Variants in JAK1 observed in about 807,000 individuals in gnomAD.
JAK1 encodes the protein tyrosine-protein kinase JAK1.
A neutral mutation model predicts 136.6 loss-of-function variants in JAK1; 16 were observed. That is an observed-to-expected ratio of 0.12 (90% CI 0.08 to 0.18). The LOEUF (loss-of-function observed/expected upper bound fraction) is 0.18, where lower values mean the gene tolerates loss of function less well. JAK1 is among the 10% of genes least tolerant of loss of function. The pLI is 1.00. For synonymous variants in JAK1, 492 were observed against 519.5 expected, an observed-to-expected ratio of 0.95 and a Z score of 0.72; for missense variants, 859 against 1,450.1, an observed-to-expected ratio of 0.59 and a Z score of 6.62.
intron 4 of JAK1, among the ~76,000 whole-genome samples, chr1:64,874,101 T>C (rs1387528289): frequency 1.3e-5 from 2 of 152,104 alleles, no homozygotes; most frequent in Admixed American, 1.3e-4. Context: ...GCACTTTATA[T>C]ATATTATGTT....
At chr1:65,025,703 G>C (rs1646972219) in intron 2 of JAK1, among the ~76,000 whole-genome samples, 1 of 151,532 alleles carries the variant, frequency 6.6e-6, no homozygotes, top group African/African-American at 2.4e-5. Flanking sequence ...TTTGAGACAG[G>C]GTCTTACTCT....
intron 1 of JAK1, among the ~76,000 whole-genome samples, chr1:64,903,676 A>C (rs1220122621): frequency 6.6e-6 from 1 of 152,214 alleles, no homozygotes; most frequent in African/African-American, 2.4e-5. Context: ...AATGGGAATA[A>C]TACTAGCTCC....
chr1:64,882,425 C>T (rs1281118789), intron 3 of JAK1, among the ~76,000 whole-genome samples: 2 of 152,146 alleles, frequency 1.3e-5, no homozygotes, highest in African/African-American at 2.4e-5. Flanking sequence ...CTTTTTAAAA[C>T]AGCTTTGAGA....
chr1:64,951,816 G>A (rs959978990), intron 1 of JAK1, among the ~76,000 whole-genome samples: 7 of 151,800 alleles, frequency 4.6e-5, no homozygotes, highest in African/African-American at 1.7e-4. Context: ...CCGCCACCAC[G>A]CCCAGCTAAT....
At chr1:65,065,869 G>A (rs1648018379) in intron 1 of JAK1, among the ~76,000 whole-genome samples, 1 of 151,596 alleles carries the variant, frequency 6.6e-6, no homozygotes, top group African/African-American at 2.4e-5. Context: ...CTGGCCAAAG[G>A]GGGTCACTTC....
intron 1 of JAK1, among the ~76,000 whole-genome samples, chr1:64,944,679 T>C (rs1273584489): frequency 1.3e-5 from 2 of 152,048 alleles, no homozygotes; most frequent in Non-Finnish European, 1.5e-5. Flanking sequence ...ACAATAGTCA[T>C]GATACACTAG....
At chr1:64,890,352 T>C (rs1644916544) in intron 1 of JAK1, among the ~76,000 whole-genome samples, 1 of 152,030 alleles carries the variant, frequency 6.6e-6, no homozygotes, top group South Asian at 2.1e-4. Flanking sequence ...AGGTACAAAG[T>C]AAGCAACATT....
intron 17 of JAK1, among the ~76,000 whole-genome samples, chr1:64,843,860 G>A (rs895178920): frequency 6.6e-6 from 1 of 152,136 alleles, no homozygotes; most frequent in African/African-American, 2.4e-5. Flanking sequence ...AGTAGTTACT[G>A]ATTATCCCCA....
chr1:64,931,747 C>G (rs770930514), intron 1 of JAK1, among the ~76,000 whole-genome samples: 2 of 152,002 alleles, frequency 1.3e-5, no homozygotes, highest in African/African-American at 4.8e-5. Context: ...TACAAACTAT[C>G]GGGAGGCACT....
Position 65,038,355 on chromosome 1 carries a change from C to T in JAK1, c.-78+6125G>A, listed in dbSNP as rs1016433779. 4.0e-5 allele frequency among the ~76,000 whole-genome samples: 6 copies of T among 151,712 alleles called. No individual in the cohort carries two copies. The South Asian group carries it at 1.0e-3, about 26-fold the overall frequency. ...CTGGGATTACAGGCATGTGCCACCA[C>T]GCCCAGCTAATTTTTGCATTTTTAG... On this transcript the variant is annotated intron_variant, in intron 2 of 25. Coordinates refer to the JAK1 transcript ENST00000671954.
In JAK1 at chr1:64,995,690, C is replaced by T. The variant is rs536333415; in HGVS notation, c.-78+48790G>A. 2.6e-5 allele frequency among the ~76,000 whole-genome samples: 4 copies of T among 152,276 alleles called. No homozygotes were observed. In the South Asian group the frequency reaches 8.3e-4, roughly 32 times the overall value. ...ATTACAAAATCATTCACATTGCCTT[C>T]AGTTTATAAGAAATGAAGAAACCAA... On this transcript the variant is annotated intron_variant, in intron 2 of 25. Coordinates refer to the JAK1 transcript ENST00000671954.
Position 65,059,861 on chromosome 1 carries a change from C to T in JAK1, c.-181+7743G>A, listed in dbSNP as rs1307505395. Reference sequence around the variant, plus strand: ...ATGCATATTAGATATTAGCACTGTACTTCAAATAAGTCAGGTAGATGAATC... The same window carrying T: ...ATGCATATTAGATATTAGCACTGTATTTCAAATAAGTCAGGTAGATGAATC... On this transcript the variant is annotated intron_variant, in intron 1 of 25. Transcript: ENST00000671954. Among the ~76,000 whole-genome samples the T allele has an allele frequency of 3.3e-5, 5 of 152,080 alleles. No homozygotes were observed. In the East Asian group the frequency reaches 7.7e-4, roughly 23 times the overall value.
intron 2 of JAK1, among the ~76,000 whole-genome samples, chr1:65,004,503 A>G (rs923891223): frequency 6.6e-6 from 1 of 152,248 alleles, no homozygotes; most frequent in African/African-American, 2.4e-5. Flanking sequence ...CAGAATAGAC[A>G]GATGCAATCT....
intron 7 of JAK1, among the ~76,000 whole-genome samples, chr1:64,865,801 C>T (rs1356375707): frequency 6.6e-6 from 1 of 151,900 alleles, no homozygotes; most frequent in Non-Finnish European, 1.5e-5. Flanking sequence ...TTGCTGTCAC[C>T]CAGGCTGGAG....
intron 1 of JAK1, among the ~76,000 whole-genome samples, chr1:64,902,354 A>G (rs1289610642): frequency 6.6e-6 from 1 of 152,164 alleles, no homozygotes; most frequent in Non-Finnish European, 1.5e-5. Flanking sequence ...CATTTGTGCC[A>G]TAGATGTTAA....
At chr1:64,919,010 C>T (rs1358256596) in intron 1 of JAK1, among the ~76,000 whole-genome samples, 1 of 151,878 alleles carries the variant, frequency 6.6e-6, no homozygotes, top group Non-Finnish European at 1.5e-5. Context: ...CACCTGGCTC[C>T]TTTTACCTTT....
At chr1:64,858,408 G>A (rs1238151652) in intron 9 of JAK1, among the ~76,000 whole-genome samples, 2 of 152,228 alleles carry the variant, frequency 1.3e-5, no homozygotes, top group Non-Finnish European at 2.9e-5. Context: ...GTGTTTTAGA[G>A]AGACAGGGAC....
intron 1 of JAK1, among the ~76,000 whole-genome samples, chr1:64,908,146 T>C (rs1645222818): frequency 6.6e-6 from 1 of 152,200 alleles, no homozygotes; most frequent in African/African-American, 2.4e-5. Flanking sequence ...ATTGGTAATA[T>C]AAAGAGAAGT....
intron 1 of JAK1, among the ~76,000 whole-genome samples, chr1:64,946,110 A>T (rs1045608396): frequency 3.3e-5 from 5 of 152,228 alleles, no homozygotes; most frequent in Non-Finnish European, 7.3e-5. Context: ...ATAAAAAAAT[A>T]AGAAAATGTA....
Sources: allele counts gnomAD v4.1 joint callset (sites outside exome capture counted in the v4.1 genomes callset), GRCh38; gene constraint gnomAD v4.1.1; transcripts MANE v1.5; gene names NCBI Gene and HGNC (gene_info 2026-07-23, HGNC 2026-07-21).